Variants in DNAH10 observed in about 807,000 individuals in gnomAD.
The protein encoded by DNAH10 is dynein axonemal heavy chain 10, also known as axonemal beta dynein heavy chain 10.
In DNAH10, 348 loss-of-function variants were observed where a neutral mutation model predicts 506.6. The ratio of observed to expected loss-of-function variants is 0.69; its 90% CI spans 0.63 to 0.75. The LOEUF (loss-of-function observed/expected upper bound fraction) is 0.75, where lower values mean the gene tolerates loss of function less well. DNAH10 is among the 30% of genes least tolerant of loss of function. The pLI is 0.00. For synonymous variants in DNAH10, 2,059 were observed against 2,198.6 expected (o/e 0.94, Z 1.78); for missense variants, 5,179 against 5,787.1 (o/e 0.89, Z 3.41).
At chr12:123,777,466 C>T (rs181059884) in intron 5 of DNAH10, among the ~76,000 whole-genome samples, 6 of 152,182 alleles carry the variant, frequency 3.9e-5, no homozygotes, top group Admixed American at 6.5e-5. Flanking sequence ...TGGGAGCAGA[C>T]GAGGTCTCAC....
In DNAH10 at chr12:123,913,247, C is replaced by T. The variant is rs150037441; in HGVS notation, c.10284C>T (p.Ala3428=). The change falls in exon 60 of 79, where the codon GCC becomes GCT. Residue 3428 remains alanine (A), a synonymous_variant. Transcript: ENST00000673944. The surrounding 1 kb of genome is among the most constrained non-coding windows in gnomAD (Gnocchi z 5.1). ...AAAAGCAGAAGCTGCAGGAAGAAGC[C>T]GAGATCATGGAGAGGCGGCTGATTG... is the stretch of plus-strand genomic sequence containing the variant. ...ILEKQKLQEE[A]EIMERRLIAA... The T allele has an allele frequency of 3.5e-4, 567 of 1,609,270 alleles. 1 individual carries two copies. The East Asian group carries it at 3.9e-3, about 11-fold the overall frequency.
chr12:123,857,006 A>G, intron 36 of DNAH10, 50 bp from the exon 37 acceptor site: 2 of 1,548,318 alleles, frequency 1.3e-6, no homozygotes, highest in South Asian at 1.2e-5. Flanking sequence ...AGTCCAAAGC[A>G]CTGGGTTCCT....
chr12:123,823,507 C>T (rs187668752), intron 24 of DNAH10, among the ~76,000 whole-genome samples: 3 of 152,248 alleles, frequency 2.0e-5, no homozygotes, highest in Admixed American at 6.5e-5. Flanking sequence ...CTGGTGCCTG[C>T]ACCAGGCAAA....
intron 2 of DNAH10, among the ~76,000 whole-genome samples, chr12:123,770,271 T>A (rs1957202751): frequency 6.6e-6 from 1 of 151,630 alleles, no homozygotes; most frequent in Non-Finnish European, 1.5e-5. Flanking sequence ...TTTTAAAATT[T>A]TTTTTGTAGA....
rs188403625 is a variant in DNAH10, at chr12:123,801,201, T to C, written c.2463-80T>C. 8.5e-5 allele frequency: 124 copies of C among 1,467,098 alleles called. No homozygotes were observed. In the African/African-American group the frequency reaches 1.5e-3, roughly 18 times the overall value. 90.9% of individuals were successfully genotyped at this position (1,467,098 alleles called of 1,614,324 possible). On this transcript the variant is annotated intron_variant, in intron 15 of 78. Transcript: ENST00000673944. ...TGGTCTTGATTGAGACCACGGTCTT[T>C]TGTAATCTCTTGACCGCAAAAGCTT...
chr12:123,931,210 CAA>C (rs781036283), intron 73 of DNAH10, 129 bp from the exon 74 acceptor site: 4,247 of 1,066,140 alleles, frequency 4.0e-3, no homozygotes, highest in South Asian at 6.3e-3. Flanking sequence ...GACCCTGTCT[CAA>C]AAAAAAAAAA....
rs1468177637 is a variant in DNAH10 at position 123,803,693 on chromosome 12, G to A, written c.2647G>A (p.Ala883Thr). Residue 883 changes from alanine to threonine, a missense_variant, in exon 17 of 79, where the codon GCC becomes ACC. By Grantham distance (58) the Ala-to-Thr change is moderately conservative. Coordinates refer to ENST00000673944, the MANE Select transcript of DNAH10 (RefSeq NM_001372106.1). ...IGDYITGCKQAIGKFESLVHQ... is the reference protein window; with the variant it reads ...IGDYITGCKQTIGKFESLVHQ... ...TGACTATATAACTGGTTGCAAACAGGCCATTGGGAAATTTGAGTCTCTCGT... is the reference window on the plus strand; with the variant it reads ...TGACTATATAACTGGTTGCAAACAGACCATTGGGAAATTTGAGTCTCTCGT... 2 of 1,606,808 alleles carry A rather than the reference G, an allele frequency of 1.2e-6. No homozygotes were observed. The highest frequency in any genetic ancestry group is 2.7e-5 in the African/African-American group (2 of 74,230).
intron 19 of DNAH10, among the ~76,000 whole-genome samples, chr12:123,812,320 G>A (rs1224835844): frequency 6.6e-6 from 1 of 152,090 alleles, no homozygotes; most frequent in African/African-American, 2.4e-5. Context: ...ATGTGGGGGT[G>A]GGTGCCTATA....
At chr12:123,934,998 G>A (rs541800497) in intron 78 of DNAH10, 2 of 633,294 alleles carry the variant, frequency 3.2e-6, no homozygotes, top group Non-Finnish European at 5.4e-6. Flanking sequence ...GGCTCAAGCT[G>A]TGATCCTGTG....
In DNAH10 at chr12:123,925,029, A is replaced by C. The variant is rs373919274; in HGVS notation, c.11767-21A>C. On this transcript the variant is annotated intron_variant, in intron 67 of 78. Transcript: ENST00000673944. This position sits in a 1 kb window ranked among gnomAD's most constrained non-coding sequence, Gnocchi z 4.0. ...GTCATTTCTGAGTTGACGCACAATG[A>C]ATATTCTTTGCTTTTCCCAGTGGTA... 2.2e-5 allele frequency: 35 copies of C among 1,613,032 alleles called. No homozygotes were observed. In the African/African-American group the frequency reaches 3.9e-4, roughly 18 times the overall value.
intron 57 of DNAH10, among the ~76,000 whole-genome samples, chr12:123,905,600 C>T (rs775309334): frequency 1.8e-4 from 27 of 151,074 alleles, no homozygotes; most frequent in Non-Finnish European, 4.0e-4. Flanking sequence ...TTTTAATTTG[C>T]ATTTCTCTTA....
intron 52 of DNAH10, among the ~76,000 whole-genome samples, chr12:123,889,186 C>T (rs895295323): frequency 2.6e-5 from 4 of 152,154 alleles, no homozygotes; most frequent in Admixed American, 6.5e-5. Context: ...TTTTTAGATG[C>T]GTTTCAGAGT....
At chr12:123,893,074 C>T (rs903293114) in intron 52 of DNAH10, among the ~76,000 whole-genome samples, 159 bp from the exon 53 acceptor site, 7 of 152,228 alleles carry the variant, frequency 4.6e-5, no homozygotes, top group African/African-American at 1.7e-4. Flanking sequence ...GGGCTTGCCA[C>T]GAGGTGGCAG....
At chr12:123,915,034 CT>C (rs781717565) in intron 62 of DNAH10, 35 bp downstream of exon 62, 60 of 1,573,918 alleles carry the variant, frequency 3.8e-5, no homozygotes, top group Non-Finnish European at 4.0e-5. Context: ...CTTCTGCCCC[CT>C]ATTCCTGTTC....
At position 123,898,633 on chromosome 12, in the gene DNAH10, T is replaced by C. The variant is rs887008519; in HGVS notation, c.9479-20T>C. ...ACAGTGGCCACCTCGACGATGAACA[T>C]AGGTGCCCTCTTTCCTCAGCTCAGT... On this transcript the variant is annotated intron_variant, in intron 55 of 78. Coordinates refer to ENST00000673944, the MANE Select transcript of DNAH10 (RefSeq NM_001372106.1). 6.6e-7 allele frequency: 1 copy of C among 1,507,478 alleles called. No individual in the cohort carries two copies. Among genetic ancestry groups the C allele is most frequent in the African/African-American group, 1.4e-5 (1 of 71,184 alleles). 93.4% of individuals were successfully genotyped at this position (1,507,478 alleles called of 1,614,324 possible).
In DNAH10 at chr12:123,903,189, A is replaced by C; in HGVS notation, c.9815+76A>C. On this transcript the variant is annotated intron_variant, in intron 57 of 78. Transcript: ENST00000673944. The surrounding 1 kb of genome is among the most constrained non-coding windows in gnomAD (Gnocchi z 4.6). The stretch of plus-strand genomic sequence containing the variant: ...AGTAGTCTCCATGATCGTGGCAACC[A>C]GGAGCTTACAAAGGAGCCGATGCCA... 6.8e-7 allele frequency: 1 copy of C among 1,480,316 alleles called. No homozygotes were observed. The highest frequency in any genetic ancestry group is 9.0e-7 in the Non-Finnish European group (1 of 1,112,934). The allele number at this position is 1,480,316 out of a possible 1,614,324, so 91.7% of individuals were successfully genotyped here. A position where few individuals can be genotyped will look rare whatever the true frequency, so the allele number is the denominator to read the frequency against.
At chr12:123,888,502 C>T (rs1004212278) in intron 52 of DNAH10, among the ~76,000 whole-genome samples, 4 of 152,160 alleles carry the variant, frequency 2.6e-5, no homozygotes, top group Admixed American at 1.3e-4. Context: ...AGATTTGAGA[C>T]ACAGAGAATA....
intron 24 of DNAH10, 126 bp from the exon 25 acceptor site, chr12:123,826,561 G>A: frequency 1.4e-6 from 1 of 693,466 alleles, no homozygotes; most frequent in Non-Finnish European, 2.2e-6. Context: ...GTGAATTTCA[G>A]GTAGTTGTAG....
intron 60 of DNAH10, among the ~76,000 whole-genome samples, 162 bp from the exon 61 acceptor site, chr12:123,914,167 T>C (rs1476120235): frequency 1.3e-5 from 2 of 152,352 alleles, no homozygotes; most frequent in East Asian, 3.9e-4. Flanking sequence ...AGTTGCAAGA[T>C]AAGCTGTTGG....
Sources: gnomAD v4.1 joint callset for allele counts (sites outside exome capture counted in the v4.1 genomes callset) on GRCh38, gnomAD v4.1.1 for gene constraint, Gnocchi (gnomAD v3.1) non-coding constraint, MANE v1.5 for transcripts, NCBI Gene and HGNC (gene_info 2026-07-23, HGNC 2026-07-21) for gene names.